The following AIRE variants were observed in gnomAD, a reference collection of about 807,000 sequenced individuals.
AIRE encodes autoimmune regulator.
AIRE carries 52 observed loss-of-function variants against 62.1 expected under a neutral mutation model. That is an observed-to-expected ratio of 0.84 (90% CI 0.67 to 1.06). AIRE has a LOEUF of 1.06. AIRE is among the 50% of genes least tolerant of loss of function. AIRE has a pLI of 0.00. For missense variants in AIRE, 774 were observed against 755.8 expected, an observed-to-expected ratio of 1.02 and a Z score of -0.28; for synonymous variants, 342 against 321.6, an observed-to-expected ratio of 1.06 and a Z score of -0.68.
At position 44,293,143 on chromosome 21, in the gene AIRE, C is replaced by T. The variant is rs199621393; in HGVS notation, c.1246C>T (p.Pro416Ser). The T allele has an allele frequency of 3.8e-6, 6 of 1,582,518 alleles. No individual in the cohort carries two copies. The African/African-American group carries it at 4.0e-5, about 11-fold the overall frequency. ...LPGLDSSALH[P>S]LLCVGPEGQQ... Reference sequence around the variant, plus strand: ...AGGGCTGGACTCCTCGGCCCTGCACCCCCTACTGTGTGTGGGTCCTGAGGG... The same window carrying T: ...AGGGCTGGACTCCTCGGCCCTGCACTCCCTACTGTGTGTGGGTCCTGAGGG... The change falls in exon 10 of 14, where the codon CCC becomes TCC. Residue 416 changes from proline to serine, a missense_variant. Pro to Ser is a moderately conservative substitution (Grantham distance 74). Around this residue, in one of 3 missense-constraint regions of AIRE, gnomAD observed 354 missense variants for 296.1 expected, o/e 1.20. Coordinates refer to ENST00000291582, the MANE Select transcript of AIRE (RefSeq NM_000383.4).
chr21:44,288,367 A>AT lies in AIRE; in HGVS notation c.561_562insT (p.Val188CysfsTer29), dbSNP rs760661721. On this transcript the variant is annotated frameshift_variant, in exon 5 of 14. Coordinates refer to ENST00000291582, the MANE Select transcript of AIRE (RefSeq NM_000383.4). LOFTEE classifies it high-confidence loss of function. Reference sequence around the variant, plus strand: ...CAGGGATTCAGACCATGTCAGCTTCAGTCCAGAGAGCTGTGGCCATGTCCT... The same window carrying AT: ...CAGGGATTCAGACCATGTCAGCTTCATGTCCAGAGAGCTGTGGCCATGTCCT... 1 of 1,611,786 alleles carries AT rather than the reference A, an allele frequency of 6.2e-7. No homozygotes were observed. The highest frequency in any genetic ancestry group is 8.5e-7 in the Non-Finnish European group (1 of 1,178,834).
chr21:44,285,994 C>G lies in AIRE; in HGVS notation c.-13C>G. 6.5e-7 allele frequency: 1 copy of G among 1,527,240 alleles called. No individual in the cohort carries two copies. Among genetic ancestry groups the G allele is most frequent in the South Asian group, 1.2e-5 (1 of 83,572 alleles). The allele number at this position is 1,527,240 out of a possible 1,614,324, so 94.6% of individuals were successfully genotyped here. Reference sequence around the variant, plus strand: ...CCGCGTCCGCCCCAGCCCCGGGTCCCCGCGCCCACCCCATGGCGACGGACG... The same window carrying G: ...CCGCGTCCGCCCCAGCCCCGGGTCCGCGCGCCCACCCCATGGCGACGGACG... On this transcript the variant is annotated 5_prime_UTR_variant, in exon 1 of 14. Coordinates refer to ENST00000291582, the MANE Select transcript of AIRE (RefSeq NM_000383.4).
chr21:44,288,286 G>T, intron 4 of AIRE, 59 bp from the exon 5 acceptor site: 1 of 1,335,972 alleles, frequency 7.5e-7, no homozygotes, highest in Non-Finnish European at 1.1e-6. Context: ...CTGGCATAGA[G>T]TATGTGCTTG....
At chr21:44,294,369 CA>C in intron 11 of AIRE, 31 bp from the exon 12 acceptor site, 2 of 1,481,134 alleles carry the variant, frequency 1.4e-6, no homozygotes. Flanking sequence ...TGCTCCCCCC[CA>C]GGGCTGGCAG....
chr21:44,293,975 TCC>T lies in AIRE; in HGVS notation c.1400+68_1400+69del. 9 of 1,214,692 alleles carry T rather than the reference TCC, an allele frequency of 7.4e-6. 1 individual carries two copies. The South Asian group carries it at 1.0e-4, about 14-fold the overall frequency. The allele number at this position is 1,214,692 out of a possible 1,614,324, so 75.2% of individuals were successfully genotyped here. On this transcript the variant is annotated intron_variant, in intron 11 of 13. Coordinates refer to ENST00000291582, the MANE Select transcript of AIRE (RefSeq NM_000383.4). ...CCACACCCTACACCCCACCCCACAC[TCC>T]CCACCCACATCATACAGCCCACAAC...
At chr21:44,293,977 C>T in intron 11 of AIRE, 67 bp downstream of exon 11, 1 of 1,541,724 alleles carries the variant, frequency 6.5e-7, no homozygotes, top group Middle Eastern at 2.3e-4. Flanking sequence ...CCCCACACTC[C>T]CCACCCACAT....
intron 9 of AIRE, 63 bp downstream of exon 9, chr21:44,292,464 AG>A (rs1340848864): frequency 4.4e-6 from 5 of 1,143,068 alleles, no homozygotes; most frequent in Non-Finnish European, 6.2e-6. Context: ...GCCCCCTCCT[AG>A]GCTGGGCCAC....
rs1399845704 is a variant in AIRE at position 44,297,664 on chromosome 21, C to T, written c.1575C>T (p.Phe525=). 5.0e-6 allele frequency: 8 copies of T among 1,611,970 alleles called. No homozygotes were observed. Among genetic ancestry groups the T allele is most frequent in the Middle Eastern group, 1.6e-4 (1 of 6,082 alleles). Residue 525 remains phenylalanine, a synonymous_variant, in exon 14 of 14, where the codon TTC becomes TTT. Transcript: ENST00000291582. This position sits in a 1 kb window ranked among gnomAD's most constrained non-coding sequence, Gnocchi z 4.8. Reference sequence around the variant, plus strand: ...GTCACTCTGTCCCGCAGCACACCTTCGATGGCATCCTGCAGTGGGCCATCC... The same window carrying T: ...GTCACTCTGTCCCGCAGCACACCTTTGATGGCATCCTGCAGTGGGCCATCC... ...DLESLLSEHT[F]DGILQWAIQS...
chr21:44,297,665 G>A lies in AIRE; in HGVS notation c.1576G>A (p.Asp526Asn), dbSNP rs780248375. ...LESLLSEHTF[D>N]GILQWAIQSM... ...TCACTCTGTCCCGCAGCACACCTTC[G>A]ATGGCATCCTGCAGTGGGCCATCCA... The change falls in exon 14 of 14, where the codon GAT (aspartate) becomes AAT (asparagine). Residue 526 changes from aspartate (D) to asparagine (N), a missense_variant. This residue lies in a region of AIRE where 354 missense variants were observed against 296.1 expected (regional missense o/e 1.20). Coordinates refer to ENST00000291582, the MANE Select transcript of AIRE (RefSeq NM_000383.4). The surrounding 1 kb of genome is among the most constrained non-coding windows in gnomAD (Gnocchi z 4.8). The A allele has an allele frequency of 4.3e-6, 7 of 1,612,010 alleles. No homozygotes were observed. The highest frequency in any genetic ancestry group is 2.7e-5 in the African/African-American group (2 of 74,912).
rs575140436 is a variant in AIRE at position 44,287,396 on chromosome 21, G to A, written c.464-121G>A. On this transcript the variant is annotated intron_variant, in intron 3 of 13. Transcript: ENST00000291582. This position sits in a 1 kb window ranked among gnomAD's most constrained non-coding sequence, Gnocchi z 4.3. ...TTTTACTGATGAGAAACCAGAGCCC[G>A]GCAAAGGGACTACCCAGCACTGGAC... 1.8e-4 allele frequency: 134 copies of A among 756,068 alleles called. No homozygotes were observed. The highest frequency in any genetic ancestry group is 1.1e-3 in the Middle Eastern group (3 of 2,644). 46.8% of individuals were successfully genotyped at this position (756,068 alleles called of 1,614,324 possible). A position where few individuals can be genotyped will look rare whatever the true frequency, so the allele number is the denominator to read the frequency against.
chr21:44,287,470 C>A lies in AIRE; in HGVS notation c.464-47C>A. 2.2e-6 allele frequency: 3 copies of A among 1,375,262 alleles called. No individual in the cohort carries two copies. The highest frequency in any genetic ancestry group is 2.0e-6 in the Non-Finnish European group (2 of 988,828). 85.2% of individuals were successfully genotyped at this position (1,375,262 alleles called of 1,614,324 possible). On this transcript the variant is annotated intron_variant, in intron 3 of 13. Coordinates refer to ENST00000291582, the MANE Select transcript of AIRE (RefSeq NM_000383.4). This position sits in a 1 kb window ranked among gnomAD's most constrained non-coding sequence, Gnocchi z 4.3. Reference sequence around the variant, plus strand: ...GCGGGCCCCTGCCCACCGGCACTCACCCCCACTGAGAGGGGAGGCCAGGCT... The same window carrying A: ...GCGGGCCCCTGCCCACCGGCACTCAACCCCACTGAGAGGGGAGGCCAGGCT...
At chr21:44,289,044 C>T (rs2040509132) in intron 5 of AIRE, 1 of 164,732 alleles carries the variant, frequency 6.1e-6, no homozygotes, top group Admixed American at 5.6e-5. Flanking sequence ...ACACCAAGCA[C>T]AGCCAGGGCC....
intron 7 of AIRE, 85 bp downstream of exon 7, chr21:44,290,153 C>A: frequency 1.3e-6 from 2 of 1,546,682 alleles, no homozygotes; most frequent in Non-Finnish European, 1.8e-6. Flanking sequence ...TACCTGGGCA[C>A]TCAGGGATGA....
At position 44,293,176 on chromosome 21, in the gene AIRE, G is replaced by A. The variant is rs1184559866; in HGVS notation, c.1278+1G>A. On this transcript the variant is annotated splice_donor_variant, in intron 10 of 13. Coordinates refer to ENST00000291582, the MANE Select transcript of AIRE (RefSeq NM_000383.4). LOFTEE classifies it high-confidence loss of function. ...GTGTGTGGGTCCTGAGGGTCAGCAGGTGAGCGGGGAGTGGGGGTCAGGGTG... is the reference window on the plus strand; with the variant it reads ...GTGTGTGGGTCCTGAGGGTCAGCAGATGAGCGGGGAGTGGGGGTCAGGGTG... 4 of 1,554,140 alleles carry A rather than the reference G, an allele frequency of 2.6e-6. No individual in the cohort carries two copies. Among genetic ancestry groups the A allele is most frequent in the Admixed American group, 3.8e-5 (2 of 52,414 alleles).
chr21:44,286,992 C>T lies in AIRE; in HGVS notation c.322C>T (p.Gln108Ter), dbSNP rs1472808103. ...DSFPKDVDLSQPRKGRKPPAV... is the reference protein window; with the variant it reads ...DSFPKDVDLS Reference sequence around the variant, plus strand: ...CTGAGCTGCAGATGTGGACCTCAGCCAGCCCCGGAAGGGGAGGAAGCCCCC... The same window carrying T: ...CTGAGCTGCAGATGTGGACCTCAGCTAGCCCCGGAAGGGGAGGAAGCCCCC... The change falls in exon 3 of 14, where the codon CAG becomes TAG. Residue 108 changes from glutamine (Q) to a stop codon, truncating the protein, a stop_gained. Coordinates refer to ENST00000291582, the MANE Select transcript of AIRE (RefSeq NM_000383.4). LOFTEE classifies it high-confidence loss of function. This position sits in a 1 kb window ranked among gnomAD's most constrained non-coding sequence, Gnocchi z 6.0. 1 of 1,612,802 alleles carries T rather than the reference C, an allele frequency of 6.2e-7. No individual in the cohort carries two copies. The highest frequency in any genetic ancestry group is 1.3e-5 in the African/African-American group (1 of 75,054).
At chr21:44,296,606 G>A (rs1174946771) in intron 13 of AIRE, among the ~76,000 whole-genome samples, 161 bp downstream of exon 13, 2 of 151,272 alleles carry the variant, frequency 1.3e-5, no homozygotes, top group African/African-American at 2.4e-5. Context: ...CCCCAGTGCT[G>A]CTGAGCACCT....
intron 7 of AIRE, chr21:44,290,863 G>A: frequency 6.2e-7 from 1 of 1,602,370 alleles, no homozygotes; most frequent in South Asian, 1.1e-5. Context: ...CAAGAAACCG[G>A]GTTTTCTTCC....
rs572002344 is a variant in AIRE, at chr21:44,287,093, C to A, written c.423C>A (p.Ala141=). 35 of 1,612,534 alleles carry A rather than the reference C, an allele frequency of 2.2e-5. No individual in the cohort carries two copies. Among genetic ancestry groups the A allele is most frequent in the Non-Finnish European group, 3.0e-5 (35 of 1,179,906 alleles). Residue 141 remains alanine, a synonymous_variant, in exon 3 of 14, where the codon GCC becomes GCA. Transcript: ENST00000291582. The surrounding 1 kb of genome is among the most constrained non-coding windows in gnomAD (Gnocchi z 4.3). ...AGGCCTCAGAAGAGGCTCGAGCTGCCGCGCCAGCAGCCCTGACTCCAAGGG... is the reference window on the plus strand; with the variant it reads ...AGGCCTCAGAAGAGGCTCGAGCTGCAGCGCCAGCAGCCCTGACTCCAAGGG... The part of the protein sequence containing the change: ...KRKASEEARA[A]APAALTPRGT...
chr21:44,286,422 C>G lies in AIRE; in HGVS notation c.133-135C>G, dbSNP rs139163713. ...ACCACCACCTGACTCCACCACAAGCCGAGGAGATGGGCGTGGAGCTGTCCA... is the reference window on the plus strand; with the variant it reads ...ACCACCACCTGACTCCACCACAAGCGGAGGAGATGGGCGTGGAGCTGTCCA... On this transcript the variant is annotated intron_variant, in intron 1 of 13. Transcript: ENST00000291582. The surrounding 1 kb of genome is among the most constrained non-coding windows in gnomAD (Gnocchi z 6.0). 5.9e-6 allele frequency: 6 copies of G among 1,020,616 alleles called. No homozygotes were observed. Among genetic ancestry groups the G allele is most frequent in the Admixed American group, 2.6e-5 (1 of 38,550 alleles). The allele number at this position is 1,020,616 out of a possible 1,614,324, so 63.2% of individuals were successfully genotyped here.
Sources: gnomAD v4.1 joint callset for allele counts (sites outside exome capture counted in the v4.1 genomes callset) on GRCh38, gnomAD v4.1.1 for gene constraint, gnomAD v4.1.1 regional missense constraint, Gnocchi (gnomAD v3.1) non-coding constraint, MANE v1.5 for transcripts, NCBI Gene and HGNC (gene_info 2026-07-23, HGNC 2026-07-21) for gene names.